NRXN3: variants seen among roughly 807,000 people sequenced by gnomAD.
NRXN3 encodes neurexin 3.
In NRXN3, 32 loss-of-function variants were observed where a neutral mutation model predicts 137.6. The ratio of observed to expected loss-of-function variants is 0.23; its 90% CI spans 0.18 to 0.31. The LOEUF (loss-of-function observed/expected upper bound fraction) is 0.31. Among genes scored for constraint, NRXN3 ranks in the 10% least tolerant of loss-of-function variants. The pLI, the probability that NRXN3 is intolerant of heterozygous loss-of-function variation, is 1.00. For missense variants in NRXN3, 1,574 were observed against 2,062.5 expected (o/e 0.76, Z 4.59); for synonymous variants, 798 against 784.5 (o/e 1.02, Z -0.29).
chr14:79,194,539 G>C (rs12434924), intron 15 of NRXN3, among the ~76,000 whole-genome samples: 5,275 of 152,270 alleles, frequency 0.035, 232 homozygotes, highest in East Asian at 0.21. Flanking sequence ...GTGCTATAAA[G>C]GAAAGTAAGA....
At chr14:78,871,911 A>C (rs2099102229) in intron 10 of NRXN3, among the ~76,000 whole-genome samples, 1 of 152,090 alleles carries the variant, frequency 6.6e-6, no homozygotes. Flanking sequence ...TTTTCTTTCA[A>C]GTTAAATCTT....
chr14:79,814,661 G>T (rs894012269), intron 20 of NRXN3, among the ~76,000 whole-genome samples: 1 of 152,142 alleles, frequency 6.6e-6, no homozygotes, highest in African/African-American at 2.4e-5. Context: ...TATTTCCAAA[G>T]AGTTTTTTTC....
At chr14:78,190,657 TTAC>T (rs2060639758) in intron 1 of NRXN3, among the ~76,000 whole-genome samples, 1 of 29,682 alleles carries the variant, frequency 3.4e-5, no homozygotes, top group African/African-American at 2.3e-4. Flanking sequence ...ATTTATTTAC[TTAC>T]TTACTTACTT....
At chr14:79,323,377 A>G (rs1297607518) in intron 15 of NRXN3, among the ~76,000 whole-genome samples, 2 of 152,170 alleles carry the variant, frequency 1.3e-5, no homozygotes, top group Non-Finnish European at 2.9e-5. Flanking sequence ...AGCTGTGGTC[A>G]GTACAGATTT....
intron 8 of NRXN3, among the ~76,000 whole-genome samples, chr14:78,743,753 C>T (rs1863034): frequency 0.47 from 72,169 of 151,962 alleles, 20,860 homozygotes; most frequent in Admixed American, 0.65. Context: ...CCTTGTATGC[C>T]GAGTAGGAAA....
At chr14:78,532,514 C>G (rs1238873385) in intron 4 of NRXN3, among the ~76,000 whole-genome samples, 1 of 151,280 alleles carries the variant, frequency 6.6e-6, no homozygotes, top group African/African-American at 2.4e-5. Context: ...CATTCAAGAC[C>G]AGTTCCTTCT....
At chr14:78,183,347 G>A (rs916789782) in intron 1 of NRXN3, among the ~76,000 whole-genome samples, 5 of 152,132 alleles carry the variant, frequency 3.3e-5, no homozygotes, top group African/African-American at 9.7e-5. Flanking sequence ...CACCCTCTGC[G>A]TGGTGCCTAC....
At chr14:78,900,299 A>C (rs1049453626) in intron 10 of NRXN3, among the ~76,000 whole-genome samples, 1 of 151,904 alleles carries the variant, frequency 6.6e-6, no homozygotes, top group Non-Finnish European at 1.5e-5. Flanking sequence ...CCTGCGTTTG[A>C]AGCCCCTGGG....
intron 4 of NRXN3, among the ~76,000 whole-genome samples, chr14:78,614,256 G>A (rs1158292935): frequency 1.3e-5 from 2 of 152,116 alleles, no homozygotes. Flanking sequence ...AGTCATATGT[G>A]GCATGAGCTG....
rs1041131397 is a variant in NRXN3 at position 78,207,399 on chromosome 14, C to A, written c.-703-34992C>A. ...CACTACTGTTCAAGGGTGGATGACT[C>A]CCCAGTTGATACCTCTAGCCTTGAA... On this transcript the variant is annotated intron_variant, in intron 1 of 20. Transcript: ENST00000335750. Among the ~76,000 whole-genome samples the A allele has an allele frequency of 2.0e-5, 3 of 152,150 alleles. No individual in the cohort carries two copies. The East Asian group carries it at 5.8e-4, about 29-fold the overall frequency.
chr14:78,858,685 G>A (rs867331065), intron 10 of NRXN3, among the ~76,000 whole-genome samples: 32 of 152,238 alleles, frequency 2.1e-4, no homozygotes, highest in African/African-American at 7.5e-4. Context: ...TTTGACGTAC[G>A]TTTAAGTTCT....
chr14:79,281,508 C>G (rs1196058751), intron 15 of NRXN3, among the ~76,000 whole-genome samples: 1 of 152,112 alleles, frequency 6.6e-6, no homozygotes, highest in East Asian at 1.9e-4. Context: ...GTTTACTATG[C>G]ACTCCACTCT....
intron 4 of NRXN3, among the ~76,000 whole-genome samples, chr14:78,471,781 A>G (rs748578555): frequency 6.6e-6 from 1 of 152,174 alleles, no homozygotes; most frequent in Non-Finnish European, 1.5e-5. Context: ...TACTAAGGTA[A>G]ATTTATGCAC....
intron 10 of NRXN3, among the ~76,000 whole-genome samples, chr14:78,888,839 T>TCACACACATA (rs1235698207): frequency 3.8e-5 from 5 of 131,808 alleles, no homozygotes; most frequent in East Asian, 4.5e-4. Context: ...GGGAGAGTAA[T>TCACACACATA]CACACACATA....
chr14:79,658,106 T>C (rs1349315906), intron 16 of NRXN3, among the ~76,000 whole-genome samples: 1 of 152,212 alleles, frequency 6.6e-6, no homozygotes, highest in Non-Finnish European at 1.5e-5. Context: ...TGTATTTCTG[T>C]TATAGAAATA....
chr14:78,566,827 A>G (rs186840775), intron 4 of NRXN3, among the ~76,000 whole-genome samples: 2 of 152,256 alleles, frequency 1.3e-5, no homozygotes, highest in Non-Finnish European at 2.9e-5. Flanking sequence ...GACCAAGTCC[A>G]CAGTCTGTGG....
chr14:78,281,393 G>C (rs1443126408), intron 3 of NRXN3, among the ~76,000 whole-genome samples: 2 of 152,212 alleles, frequency 1.3e-5, no homozygotes, highest in African/African-American at 4.8e-5. Flanking sequence ...ACTATAAAGG[G>C]ATGATTGATT....
chr14:79,537,797 G>T (rs1052480777), intron 16 of NRXN3, among the ~76,000 whole-genome samples: 3 of 152,134 alleles, frequency 2.0e-5, no homozygotes, highest in Non-Finnish European at 4.4e-5. Context: ...AATCCTTTGG[G>T]TATATACCCA....
chr14:78,282,185 G>A (rs778518907), intron 3 of NRXN3: 1 of 491,148 alleles, frequency 2.0e-6, no homozygotes, highest in South Asian at 1.5e-5. Flanking sequence ...ATTGGGATTT[G>A]TCACTGGTCT....
Sources: gnomAD v4.1 joint callset for allele counts (sites outside exome capture counted in the v4.1 genomes callset) on GRCh38, gnomAD v4.1.1 for gene constraint, MANE v1.5 for transcripts, NCBI Gene and HGNC (gene_info 2026-07-23, HGNC 2026-07-21) for gene names.